The following SHOC1 variants were observed in gnomAD, a reference collection of about 807,000 sequenced individuals.
SHOC1 encodes protein shortage in chiasmata 1 ortholog.
In SHOC1, 136 loss-of-function variants were observed where a neutral mutation model predicts 179.2. The ratio of observed to expected loss-of-function variants is 0.76; its 90% CI spans 0.66 to 0.87. The LOEUF (loss-of-function observed/expected upper bound fraction) is 0.87, where lower values mean the gene tolerates loss of function less well. SHOC1 is among the 40% of genes least tolerant of loss of function. The probability of loss-of-function intolerance (pLI) is 0.00; values close to 1 mark genes in which losing one functional copy is unlikely to be tolerated. For missense variants in SHOC1, 1,538 were observed against 1,700.8 expected (o/e 0.90, Z 1.68); for synonymous variants, 489 against 586.6 (o/e 0.83, Z 2.41).
intron 6 of SHOC1, 81 bp downstream of exon 6, chr9:111,758,614 G>C: frequency 7.9e-7 from 1 of 1,269,570 alleles, no homozygotes; most frequent in Non-Finnish European, 1.1e-6. Context: ...AAACATTGTT[G>C]ATAACATCTA....
At chr9:111,703,340 A>G (rs571534977) in intron 22 of SHOC1, among the ~76,000 whole-genome samples, 1 of 152,250 alleles carries the variant, frequency 6.6e-6, no homozygotes, top group East Asian at 1.9e-4. Flanking sequence ...ACCCCAATAA[A>G]TTAATTTCTT....
intron 27 of SHOC1, among the ~76,000 whole-genome samples, chr9:111,688,745 G>A (rs1831292497): frequency 6.6e-6 from 1 of 152,026 alleles, no homozygotes. Flanking sequence ...ATTTAAAAAT[G>A]GTATTAGTAG....
At position 111,727,632 on chromosome 9, in the gene SHOC1, C is replaced by T; in HGVS notation, c.1834+1G>A. On this transcript the variant is annotated splice_donor_variant, in intron 13 of 27. Transcript: ENST00000682961. LOFTEE classifies it high-confidence loss of function. Reference sequence around the variant, plus strand: ...CGGCAAAATATTATTAAATTACTTACCATGTTTTTCATCACTGTTTGTGAC... The same window carrying T: ...CGGCAAAATATTATTAAATTACTTATCATGTTTTTCATCACTGTTTGTGAC... 1.3e-6 allele frequency: 2 copies of T among 1,559,046 alleles called. No individual in the cohort carries two copies. The highest frequency in any genetic ancestry group is 1.7e-6 in the Non-Finnish European group (2 of 1,157,108).
intron 1 of SHOC1, among the ~76,000 whole-genome samples, chr9:111,791,847 A>G (rs1019658516): frequency 7.3e-6 from 1 of 136,078 alleles, no homozygotes; most frequent in African/African-American, 2.7e-5. Context: ...GAATAACCAT[A>G]TTTCTCAAGT....
intron 12 of SHOC1, among the ~76,000 whole-genome samples, chr9:111,728,713 G>A (rs761022215): frequency 6.6e-6 from 1 of 152,158 alleles, no homozygotes; most frequent in Admixed American, 6.5e-5. Flanking sequence ...TTCTTTTGGG[G>A]ATGGTACAAG....
intron 18 of SHOC1, among the ~76,000 whole-genome samples, chr9:111,709,138 C>G (rs991827966): frequency 2.0e-5 from 3 of 152,142 alleles, no homozygotes; most frequent in African/African-American, 4.8e-5. Flanking sequence ...GTCAGGAGTT[C>G]GAGACCAGCC....
intron 5 of SHOC1, chr9:111,759,224 C>T (rs371156622): frequency 6.8e-6 from 11 of 1,613,658 alleles, no homozygotes; most frequent in African/African-American, 1.3e-5. Context: ...TTCTGCTGAC[C>T]TTGGTCTTCT....
intron 12 of SHOC1, among the ~76,000 whole-genome samples, chr9:111,737,516 C>T (rs960092983): frequency 1.8e-4 from 27 of 151,598 alleles, no homozygotes; most frequent in African/African-American, 4.6e-4. Flanking sequence ...AAAATAGTGG[C>T]GGGCATGGTG....
intron 19 of SHOC1, among the ~76,000 whole-genome samples, chr9:111,707,653 T>C (rs1230922733): frequency 6.6e-6 from 1 of 152,130 alleles, no homozygotes; most frequent in Non-Finnish European, 1.5e-5. Context: ...TTGAATTACA[T>C]TTCTGGACGC....
intron 4 of SHOC1, among the ~76,000 whole-genome samples, chr9:111,777,965 A>G (rs1028364204): frequency 6.6e-6 from 1 of 152,186 alleles, no homozygotes; most frequent in Admixed American, 6.5e-5. Flanking sequence ...ATTGATTCCT[A>G]TGTGGATCGT....
chr9:111,719,544 T>C (rs2131402445), intron 15 of SHOC1, among the ~76,000 whole-genome samples: 1 of 152,314 alleles, frequency 6.6e-6, no homozygotes, highest in Non-Finnish European at 1.5e-5. Context: ...TGAAACTATA[T>C]CCAGAAGACA....
At chr9:111,728,506 A>C (rs769302826) in intron 12 of SHOC1, among the ~76,000 whole-genome samples, 3 of 152,252 alleles carry the variant, frequency 2.0e-5, no homozygotes, top group Non-Finnish European at 4.4e-5. Context: ...AGACTTGAAC[A>C]ATAGTTCACA....
At chr9:111,689,789 T>C (rs1044013838) in intron 27 of SHOC1, among the ~76,000 whole-genome samples, 2 of 152,100 alleles carry the variant, frequency 1.3e-5, no homozygotes, top group Non-Finnish European at 2.9e-5. Context: ...AATTAATGAA[T>C]TAAAATATAG....
intron 23 of SHOC1, among the ~76,000 whole-genome samples, chr9:111,701,464 T>A (rs1831967853): frequency 6.6e-6 from 1 of 152,184 alleles, no homozygotes; most frequent in Non-Finnish European, 1.5e-5. Flanking sequence ...TTCTCCCTTG[T>A]ACCTCAATTG....
chr9:111,691,697 C>T lies in SHOC1; in HGVS notation c.4280G>A (p.Ser1427Asn), dbSNP rs779366582. Residue 1427 changes from serine to asparagine, a missense_variant, in exon 27 of 28, where the codon AGT becomes AAT. Coordinates refer to ENST00000682961, the MANE Select transcript of SHOC1 (RefSeq NM_001378211.1). ...ATCAGAAGCACGAAATAAATCCAAA[C>T]TGGGGACAGATGGTAATTCTCTCCA... ...TFWRELPSVP[S>N]LDLFRASDSN... 1.2e-6 allele frequency: 2 copies of T among 1,613,958 alleles called. No individual in the cohort carries two copies.
At chr9:111,744,101 G>T (rs1248892800) in intron 10 of SHOC1, among the ~76,000 whole-genome samples, 1 of 152,030 alleles carries the variant, frequency 6.6e-6, no homozygotes, top group South Asian at 2.1e-4. Context: ...GCTTATTATG[G>T]TTTAAATACT....
chr9:111,758,892 A>C, intron 5 of SHOC1, 44 bp from the exon 6 acceptor site: 1 of 1,154,130 alleles, frequency 8.7e-7, no homozygotes, highest in Non-Finnish European at 1.2e-6. Context: ...AAAAAACAAA[A>C]AGTTATCCAA....
intron 20 of SHOC1, 40 bp from the exon 21 acceptor site, chr9:111,705,404 TCA>T: frequency 1.0e-6 from 1 of 991,040 alleles, no homozygotes; most frequent in Non-Finnish European, 1.4e-6. Flanking sequence ...TCTTTTATTC[TCA>T]TCTCCCAGCT....
chr9:111,695,522 A>G (rs1831649939), intron 24 of SHOC1, among the ~76,000 whole-genome samples: 1 of 152,218 alleles, frequency 6.6e-6, no homozygotes, highest in African/African-American at 2.4e-5. Flanking sequence ...AAAAAAAAGT[A>G]CAGCACTCAT....
Sources: gnomAD v4.1 joint callset for allele counts (sites outside exome capture counted in the v4.1 genomes callset) on GRCh38, gnomAD v4.1.1 for gene constraint, MANE v1.5 for transcripts, NCBI Gene and HGNC (gene_info 2026-07-23, HGNC 2026-07-21) for gene names.